The following CDH13 variants were observed in gnomAD, a reference collection of about 807,000 sequenced individuals.
The protein encoded by CDH13 is cadherin-13.
Under a neutral mutation model 63.8 loss-of-function variants are expected in CDH13, and 24 were observed. The ratio of observed to expected loss-of-function variants is 0.38; its 90% CI spans 0.27 to 0.53. The LOEUF is 0.53. CDH13 is among the 20% of genes least tolerant of loss of function. CDH13 has a pLI of 0.85. For synonymous variants in CDH13, 503 were observed against 355.3 expected (o/e 1.42, Z -4.67); for missense variants, 1,049 against 903.1 (o/e 1.16, Z -2.07).
intron 1 of CDH13, among the ~76,000 whole-genome samples, chr16:82,722,654 A>G (rs773129167): frequency 2.0e-5 from 3 of 152,138 alleles, no homozygotes; most frequent in African/African-American, 7.2e-5. Flanking sequence ...TGTGGAGAAC[A>G]TGAGAGATGG....
intron 10 of CDH13, among the ~76,000 whole-genome samples, chr16:83,710,991 C>G (rs555315946): frequency 7.4e-4 from 113 of 152,256 alleles, no homozygotes; most frequent in African/African-American, 2.6e-3. Flanking sequence ...GGGACTCAAC[C>G]TGGGGAAGCC....
At chr16:83,547,169 A>G (rs112030763) in intron 7 of CDH13, among the ~76,000 whole-genome samples, 3,328 of 152,302 alleles carry the variant, frequency 0.022, 148 homozygotes, top group African/African-American at 0.076. Context: ...GGCACAAATA[A>G]GTGTGGAATT....
chr16:83,782,985 A>G (rs1915633305), intron 12 of CDH13, among the ~76,000 whole-genome samples: 1 of 151,954 alleles, frequency 6.6e-6, no homozygotes, highest in African/African-American at 2.4e-5. Context: ...GAGGCACAGA[A>G]CTCTGGTGAT....
rs1352360297 is a variant in CDH13, at chr16:82,970,431, C to T, written c.158-61579C>T. Among the ~76,000 whole-genome samples the T allele has an allele frequency of 1.8e-4, 21 of 114,044 alleles. 1 individual carries two copies. The highest frequency in any genetic ancestry group is 7.5e-4 in the Admixed American group (6 of 7,968). The allele number at this position is 114,044 out of a possible 152,430, so 74.8% of individuals were successfully genotyped here. A position where few individuals can be genotyped will look rare whatever the true frequency, so the allele number is the denominator to read the frequency against. The stretch of plus-strand genomic sequence containing the variant: ...TTTTTGAGACGGAGTCTCGCTCTGT[C>T]GCCCAGGCCGGACTGCGGACTGCAG... On this transcript the variant is annotated intron_variant, in intron 2 of 13. Coordinates refer to ENST00000567109, the MANE Select transcript of CDH13 (RefSeq NM_001257.5).
intron 7 of CDH13, among the ~76,000 whole-genome samples, chr16:83,495,133 A>C (rs79834243): frequency 2.2e-3 from 335 of 152,298 alleles, no homozygotes; most frequent in African/African-American, 7.9e-3. Context: ...ATGAGTGACC[A>C]TGGCCACTGA....
At chr16:83,292,116 A>AC (rs1417916093) in intron 5 of CDH13, among the ~76,000 whole-genome samples, 1 of 152,218 alleles carries the variant, frequency 6.6e-6, no homozygotes. Context: ...TTGTAACAAA[A>AC]CATAAGATCA....
At chr16:83,086,485 T>C (rs13337758) in intron 3 of CDH13, among the ~76,000 whole-genome samples, 74,488 of 151,658 alleles carry the variant, frequency 0.49, 18,464 homozygotes, top group East Asian at 0.68. Flanking sequence ...GAGCTGTTTC[T>C]GTCCCAGATC....
intron 1 of CDH13, among the ~76,000 whole-genome samples, chr16:82,788,424 A>G (rs902751946): frequency 1.1e-4 from 17 of 152,202 alleles, no homozygotes; most frequent in African/African-American, 3.6e-4. Context: ...CTTAACAGGT[A>G]TCATGGCCTT....
intron 1 of CDH13, among the ~76,000 whole-genome samples, chr16:82,684,746 C>T (rs1461200621): frequency 1.3e-5 from 2 of 152,084 alleles, no homozygotes; most frequent in African/African-American, 2.4e-5. Context: ...GTACAGAAAG[C>T]ACGGCATTTG....
chr16:83,074,505 A>G (rs766384530), intron 3 of CDH13, among the ~76,000 whole-genome samples: 1 of 152,224 alleles, frequency 6.6e-6, no homozygotes, highest in South Asian at 2.1e-4. Context: ...TCCTTGGTAT[A>G]AATACCAAGT....
chr16:83,090,698 C>A (rs1010063630), intron 3 of CDH13, among the ~76,000 whole-genome samples: 10 of 152,286 alleles, frequency 6.6e-5, no homozygotes, highest in Admixed American at 2.0e-4. Context: ...TCTTCCCCGT[C>A]TGTCTGCTCC....
At chr16:83,702,575 A>G (rs1346054516) in intron 10 of CDH13, among the ~76,000 whole-genome samples, 3 of 152,174 alleles carry the variant, frequency 2.0e-5, no homozygotes, top group Non-Finnish European at 4.4e-5. Flanking sequence ...TTAGAAACTG[A>G]GAAGTTCAGC....
chr16:83,239,638 C>T (rs1175551182), intron 5 of CDH13, among the ~76,000 whole-genome samples: 3 of 152,164 alleles, frequency 2.0e-5, no homozygotes, highest in African/African-American at 7.2e-5. Context: ...TGATTTTTTT[C>T]TGGAGCTAAA....
intron 6 of CDH13, among the ~76,000 whole-genome samples, chr16:83,454,250 C>T (rs181310908): frequency 4.6e-5 from 7 of 152,334 alleles, no homozygotes; most frequent in Admixed American, 2.0e-4. Context: ...ACATCCATCT[C>T]TGGGCATAGC....
chr16:83,309,932 C>T (rs185707252), intron 5 of CDH13, among the ~76,000 whole-genome samples: 1 of 152,130 alleles, frequency 6.6e-6, no homozygotes, highest in Admixed American at 6.5e-5. Context: ...AGTGGCTCTC[C>T]CTCAGCATAA....
intron 2 of CDH13, among the ~76,000 whole-genome samples, chr16:83,008,222 C>G (rs1472671128): frequency 1.3e-5 from 2 of 151,816 alleles, no homozygotes; most frequent in African/African-American, 2.4e-5. Context: ...ATAAGAAGTG[C>G]TAAGGAGAAA....
At chr16:83,709,849 C>A (rs1907735639) in intron 10 of CDH13, among the ~76,000 whole-genome samples, 1 of 151,906 alleles carries the variant, frequency 6.6e-6, no homozygotes. Flanking sequence ...GTTCTCAGTT[C>A]CTGACCTTAT....
At chr16:83,524,522 G>A (rs966901433) in intron 7 of CDH13, among the ~76,000 whole-genome samples, 1 of 136,302 alleles carries the variant, frequency 7.3e-6, no homozygotes, top group East Asian at 2.2e-4. Flanking sequence ...GCGCGCTCTC[G>A]GCTTACTGCA....
At chr16:83,757,492 C>A (rs948342114) in intron 11 of CDH13, among the ~76,000 whole-genome samples, 2 of 152,148 alleles carry the variant, frequency 1.3e-5, no homozygotes, top group Admixed American at 1.3e-4. Context: ...GCAGGACAAT[C>A]GCTTGAACCC....
Sources: allele counts gnomAD v4.1 joint callset (sites outside exome capture counted in the v4.1 genomes callset), GRCh38; gene constraint gnomAD v4.1.1; transcripts MANE v1.5; gene names NCBI Gene and HGNC (gene_info 2026-07-23, HGNC 2026-07-21).